PIK3AP1: variants seen among roughly 807,000 people sequenced by gnomAD.
PIK3AP1 encodes the protein phosphoinositide-3-kinase adaptor protein 1, also known as phosphoinositide 3-kinase adapter protein 1.
A neutral mutation model predicts 88.1 loss-of-function variants in PIK3AP1; 21 were observed. The observed-to-expected ratio is 0.24, with a 90% CI of 0.17 to 0.34. The LOEUF is 0.34. Among genes scored for constraint, PIK3AP1 ranks in the 10% least tolerant of loss-of-function variants. The pLI is 1.00. For synonymous variants in PIK3AP1, 398 were observed against 400.0 expected (o/e 1.00, Z 0.06); for missense variants, 828 against 1,035.7 (o/e 0.80, Z 2.75).
At chr10:96,597,741 CACA>C (rs949165835) in intron 16 of PIK3AP1, among the ~76,000 whole-genome samples, 1 of 152,062 alleles carries the variant, frequency 6.6e-6, no homozygotes, top group East Asian at 1.9e-4. Context: ...GGAGTAGGCA[CACA>C]ACAAGTAAAG....
chr10:96,671,341 T>A (rs372181610), intron 2 of PIK3AP1, among the ~76,000 whole-genome samples: 1 of 152,214 alleles, frequency 6.6e-6, no homozygotes, highest in Non-Finnish European at 1.5e-5. Context: ...ACATCAAGAC[T>A]GCTTTTTCAT....
At chr10:96,687,397 C>T (rs959525081) in intron 2 of PIK3AP1, among the ~76,000 whole-genome samples, 12 of 150,328 alleles carry the variant, frequency 8.0e-5, no homozygotes, top group African/African-American at 2.4e-4. Flanking sequence ...TTAAGAAAAA[C>T]ATCCATTTGT....
In PIK3AP1 at chr10:96,595,345, T is replaced by C. The variant is rs1320119716; in HGVS notation, c.*232A>G. 1 of 540,452 alleles carries C rather than the reference T, an allele frequency of 1.9e-6. No homozygotes were observed. The allele number at this position is 540,452 out of a possible 1,614,324, so 33.5% of individuals were successfully genotyped here. ...TCTTCATCCTTTTGGCAAACAAGTA[T>C]ATGGTTCGATATACTTGGTGATGGT... is the stretch of plus-strand genomic sequence containing the variant. On this transcript the variant is annotated 3_prime_UTR_variant, in exon 17 of 17. Coordinates refer to ENST00000339364, the MANE Select transcript of PIK3AP1 (RefSeq NM_152309.3).
chr10:96,716,770 A>G (rs1454011870), intron 1 of PIK3AP1, among the ~76,000 whole-genome samples: 1 of 152,132 alleles, frequency 6.6e-6, no homozygotes, highest in African/African-American at 2.4e-5. Context: ...AATGAAACAC[A>G]TGAGCTAACA....
intron 1 of PIK3AP1, among the ~76,000 whole-genome samples, chr10:96,715,510 T>C (rs1844489629): frequency 6.6e-6 from 1 of 152,222 alleles, no homozygotes; most frequent in African/African-American, 2.4e-5. Context: ...TAGGTGAAAC[T>C]GGATGTGGTC....
intron 1 of PIK3AP1, among the ~76,000 whole-genome samples, chr10:96,716,143 G>C (rs746873248): frequency 6.6e-6 from 1 of 150,776 alleles, no homozygotes; most frequent in Non-Finnish European, 1.5e-5. Context: ...TTAGCCAGGC[G>C]TGGTGGCATG....
intron 2 of PIK3AP1, among the ~76,000 whole-genome samples, chr10:96,660,683 C>T (rs1357852831): frequency 6.6e-6 from 1 of 152,162 alleles, no homozygotes; most frequent in African/African-American, 2.4e-5. Context: ...TGAAAACTTA[C>T]AGTCACACAA....
chr10:96,707,549 TC>T (rs898954552), intron 2 of PIK3AP1, among the ~76,000 whole-genome samples: 1 of 152,172 alleles, frequency 6.6e-6, no homozygotes. Flanking sequence ...CGCCTCGGCC[TC>T]CCAAAGTGCT....
chr10:96,604,344 ATTTTTTTTTTTTTT>A (rs66487275), intron 14 of PIK3AP1, among the ~76,000 whole-genome samples: 58 of 77,130 alleles, frequency 7.5e-4, no homozygotes, highest in Non-Finnish European at 1.1e-3. Context: ...CACCTAGCCA[ATTTTTTTTTTTTTT>A]TTTTTTTTTT....
intron 2 of PIK3AP1, among the ~76,000 whole-genome samples, chr10:96,682,106 G>C (rs538667588): frequency 6.6e-6 from 1 of 152,188 alleles, no homozygotes; most frequent in East Asian, 1.9e-4. Context: ...TAGCACTATA[G>C]AGTAAGATTT....
chr10:96,662,632 GCA>G (rs1366089563), intron 2 of PIK3AP1, among the ~76,000 whole-genome samples: 1 of 149,404 alleles, frequency 6.7e-6, no homozygotes, highest in Non-Finnish European at 1.5e-5. Flanking sequence ...TGTAATCCCA[GCA>G]CTTTGGGAGG....
intron 8 of PIK3AP1, among the ~76,000 whole-genome samples, chr10:96,633,963 C>T (rs147962963): frequency 6.6e-6 from 1 of 152,286 alleles, no homozygotes; most frequent in Non-Finnish European, 1.5e-5. Context: ...TAAGTACTGG[C>T]TTGATAGAGC....
intron 12 of PIK3AP1, among the ~76,000 whole-genome samples, chr10:96,617,790 A>T (rs1843015855): frequency 6.6e-6 from 1 of 152,190 alleles, no homozygotes; most frequent in South Asian, 2.1e-4. Context: ...CTCTGTGATG[A>T]GCACAGAGAG....
intron 2 of PIK3AP1, among the ~76,000 whole-genome samples, chr10:96,662,164 A>G (rs1843696415): frequency 1.3e-5 from 2 of 152,262 alleles, no homozygotes; most frequent in South Asian, 4.1e-4. Context: ...AAAGGTGGAA[A>G]CAGCCCAAAT....
chr10:96,608,832 T>G (rs1455321039), intron 14 of PIK3AP1, among the ~76,000 whole-genome samples: 1 of 152,228 alleles, frequency 6.6e-6, no homozygotes, highest in African/African-American at 2.4e-5. Flanking sequence ...TGCCCGACAT[T>G]TAAGGAGATA....
intron 2 of PIK3AP1, among the ~76,000 whole-genome samples, chr10:96,696,127 A>G: frequency 6.6e-6 from 1 of 152,226 alleles, no homozygotes; most frequent in East Asian, 1.9e-4. Flanking sequence ...ATAATAACTC[A>G]TGAATATACT....
chr10:96,718,111 A>G (rs1475104467), intron 1 of PIK3AP1, among the ~76,000 whole-genome samples: 1 of 152,238 alleles, frequency 6.6e-6, no homozygotes, highest in Non-Finnish European at 1.5e-5. Context: ...AGAGAAATCT[A>G]TAGAGGCAAA....
chr10:96,608,855 T>C (rs975191309), intron 14 of PIK3AP1, among the ~76,000 whole-genome samples: 3 of 152,250 alleles, frequency 2.0e-5, no homozygotes, highest in African/African-American at 4.8e-5. Flanking sequence ...AGTCCTGAAA[T>C]TCAGCTGCTC....
chr10:96,712,251 GACAA>G (rs1200261394), intron 1 of PIK3AP1, among the ~76,000 whole-genome samples: 1 of 152,114 alleles, frequency 6.6e-6, no homozygotes, highest in Non-Finnish European at 1.5e-5. Flanking sequence ...GGCAATCTTA[GACAA>G]ACAGTATGGA....
Sources: gnomAD v4.1 joint callset for allele counts (sites outside exome capture counted in the v4.1 genomes callset) on GRCh38, gnomAD v4.1.1 for gene constraint, MANE v1.5 for transcripts, NCBI Gene and HGNC (gene_info 2026-07-23, HGNC 2026-07-21) for gene names.